The following PLB1 variants were observed in gnomAD, a reference collection of about 807,000 sequenced individuals.
The protein encoded by PLB1 is phospholipase B1.
Under a neutral mutation model 227.4 loss-of-function variants are expected in PLB1, and 242 were observed. The observed-to-expected ratio is 1.06, with a 90% CI of 0.96 to 1.18. PLB1 has a LOEUF of 1.18. Among genes scored for constraint, PLB1 ranks in the 50% most tolerant of loss-of-function variants. The probability of loss-of-function intolerance (pLI) is 0.00; values close to 1 mark genes in which losing one functional copy is unlikely to be tolerated. For missense variants in PLB1, 1,858 were observed against 1,816.3 expected (o/e 1.02, Z -0.42); for synonymous variants, 757 against 682.2 (o/e 1.11, Z -1.71).
chr2:28,551,531 A>G (rs1196609339), intron 16 of PLB1, among the ~76,000 whole-genome samples: 3 of 152,220 alleles, frequency 2.0e-5, no homozygotes, highest in Non-Finnish European at 4.4e-5. Flanking sequence ...CCTGACAGAC[A>G]CAGTGTGAAA....
rs751188387 is a variant in PLB1, at chr2:28,548,949, G to C, written c.1008+18G>C. ...CCTCTCAGGTAGGAGGGACTGGGCA[G>C]AGGAGGGACTCTTATTGAATCGAGG... On this transcript the variant is annotated intron_variant, in intron 15 of 57. Transcript: ENST00000327757. 9 of 1,612,270 alleles carry C rather than the reference G, an allele frequency of 5.6e-6. No homozygotes were observed. The Admixed American group carries it at 1.3e-4, about 24-fold the overall frequency.
chr2:28,605,605 C>T (rs1313506087), intron 41 of PLB1, among the ~76,000 whole-genome samples: 3 of 152,144 alleles, frequency 2.0e-5, no homozygotes, highest in Non-Finnish European at 4.4e-5. Context: ...ATAAATACGA[C>T]ACTTCTAATT....
rs757225345 is a variant in PLB1, at chr2:28,538,431, C to T, written c.618+50C>T. On this transcript the variant is annotated intron_variant, in intron 10 of 57. Coordinates refer to ENST00000327757, the MANE Select transcript of PLB1 (RefSeq NM_153021.5). ...CCCAAGGGCAGTGGGGCCCATTTAC[C>T]CTCATGTGGCCTCCACCGGGGTGGG... 9 of 1,533,306 alleles carry T rather than the reference C, an allele frequency of 5.9e-6. No individual in the cohort carries two copies. In the African/African-American group the frequency reaches 1.1e-4, roughly 19 times the overall value. The allele number at this position is 1,533,306 out of a possible 1,614,324, so 95.0% of individuals were successfully genotyped here.
intron 56 of PLB1, among the ~76,000 whole-genome samples, chr2:28,637,878 G>A (rs190932552): frequency 2.7e-4 from 41 of 152,270 alleles, no homozygotes; most frequent in African/African-American, 9.9e-4. Flanking sequence ...ACCCTGCCCA[G>A]TCCTGTCATT....
rs372683206 is a variant in PLB1, at chr2:28,532,127, A to T, written c.488A>T (p.Asp163Val). ...ATTCAGCAACTTGACTTTCAATTTG[A>T]CTGGAAGCTCATCAATGTGTTCTTC... ...KENLQLDFQF[D>V]WKLINVFFSN... Residue 163 changes from aspartate (D) to valine (V), a missense_variant, in exon 9 of 58, where the codon GAC (aspartate) becomes GTC (valine). Transcript: ENST00000327757. 1.1e-5 allele frequency: 18 copies of T among 1,612,140 alleles called. No homozygotes were observed. Among genetic ancestry groups the T allele is most frequent in the Non-Finnish European group, 1.5e-5 (18 of 1,179,340 alleles).
intron 14 of PLB1, among the ~76,000 whole-genome samples, chr2:28,545,650 G>A (rs1422294175): frequency 6.6e-6 from 1 of 152,184 alleles, no homozygotes; most frequent in Non-Finnish European, 1.5e-5. Flanking sequence ...AATATGGGAG[G>A]GCATTGGGCT....
intron 25 of PLB1, among the ~76,000 whole-genome samples, chr2:28,585,331 A>G (rs1680726684): frequency 6.6e-6 from 1 of 150,978 alleles, no homozygotes; most frequent in Admixed American, 6.6e-5. Flanking sequence ...GCTGGAGTGC[A>G]GTGGCACAAT....
At chr2:28,533,576 A>T (rs1035187530) in intron 9 of PLB1, among the ~76,000 whole-genome samples, 7 of 152,260 alleles carry the variant, frequency 4.6e-5, no homozygotes, top group African/African-American at 1.7e-4. Flanking sequence ...ATATTGCTGC[A>T]TTCTTCTATG....
chr2:28,558,277 A>AT, intron 17 of PLB1, among the ~76,000 whole-genome samples: 1 of 152,112 alleles, frequency 6.6e-6, no homozygotes. Flanking sequence ...TTTGAAGCAA[A>AT]TTTATCTATC....
chr2:28,562,080 G>A (rs565584439), intron 17 of PLB1, among the ~76,000 whole-genome samples: 6 of 152,266 alleles, frequency 3.9e-5, no homozygotes, highest in African/African-American at 1.4e-4. Context: ...TGGGAGGAGG[G>A]AGAAATGGAG....
At chr2:28,574,320 T>A (rs1678517519) in intron 21 of PLB1, among the ~76,000 whole-genome samples, 1 of 118,366 alleles carries the variant, frequency 8.4e-6, no homozygotes, top group Admixed American at 8.9e-5. Context: ...ACTCAATATG[T>A]AATCTTTAAT....
chr2:28,508,923 T>C (rs2148164124), intron 1 of PLB1, among the ~76,000 whole-genome samples: 1 of 152,370 alleles, frequency 6.6e-6, no homozygotes, highest in Admixed American at 6.5e-5. Context: ...TCCTCCCTGA[T>C]GCCTAGGAGA....
intron 8 of PLB1, among the ~76,000 whole-genome samples, chr2:28,531,742 C>G (rs924638070): frequency 2.1e-4 from 32 of 152,204 alleles, no homozygotes; most frequent in Admixed American, 5.2e-4. Context: ...ACACAGCAGT[C>G]CCCTCTTTTG....
In PLB1 at chr2:28,582,052, C is replaced by A; in HGVS notation, c.1567-16C>A. On this transcript the variant is annotated splice_polypyrimidine_tract_variant and intron_variant, in intron 23 of 57. Coordinates refer to ENST00000327757, the MANE Select transcript of PLB1 (RefSeq NM_153021.5). ...GGTGACAAATGGTGTTCAAGGGACA[C>A]TTCCTCTTCCTGCAGGTCCACTATT... 6.2e-7 allele frequency: 1 copy of A among 1,609,532 alleles called. No homozygotes were observed. The highest frequency in any genetic ancestry group is 8.5e-7 in the Non-Finnish European group (1 of 1,175,874).
At chr2:28,619,623 T>A (rs1004544086) in intron 46 of PLB1, among the ~76,000 whole-genome samples, 17 of 151,618 alleles carry the variant, frequency 1.1e-4, no homozygotes, top group Non-Finnish European at 2.2e-4. Context: ...AAATGTAAGC[T>A]GCTGGAAAGG....
At chr2:28,599,107 A>G (rs1373816025) in intron 35 of PLB1, among the ~76,000 whole-genome samples, 1 of 152,230 alleles carries the variant, frequency 6.6e-6, no homozygotes, top group Non-Finnish European at 1.5e-5. Context: ...ACAAGTGGCA[A>G]TTTCCCAAAA....
At chr2:28,545,606 A>G (rs896901614) in intron 14 of PLB1, among the ~76,000 whole-genome samples, 2 of 152,136 alleles carry the variant, frequency 1.3e-5, no homozygotes, top group Non-Finnish European at 2.9e-5. Flanking sequence ...AAAAAGGTCT[A>G]AGCACCCTTA....
intron 4 of PLB1, among the ~76,000 whole-genome samples, chr2:28,523,746 G>A (rs1375170282): frequency 6.6e-6 from 1 of 152,164 alleles, no homozygotes; most frequent in Non-Finnish European, 1.5e-5. Flanking sequence ...GCAAATTGAT[G>A]GTCCTAAGTG....
chr2:28,643,243 TTAAA>T lies in PLB1; in HGVS notation c.*187_*190del, dbSNP rs973042437. 5.7e-6 allele frequency: 3 copies of T among 530,486 alleles called. No homozygotes were observed. Among genetic ancestry groups the T allele is most frequent in the Middle Eastern group, 4.8e-4 (1 of 2,078 alleles). The allele number at this position is 530,486 out of a possible 1,614,324, so 32.9% of individuals were successfully genotyped here. ...GCCTATGCTCCTGGAATGGATACAT[TTAAA>T]TAAAGTCCAAAGCTATTTTATTCCT... On this transcript the variant is annotated 3_prime_UTR_variant, in exon 58 of 58. Transcript: ENST00000327757.
Sources: gnomAD v4.1 joint callset for allele counts (sites outside exome capture counted in the v4.1 genomes callset) on GRCh38, gnomAD v4.1.1 for gene constraint, MANE v1.5 for transcripts, NCBI Gene and HGNC (gene_info 2026-07-23, HGNC 2026-07-21) for gene names.